Variants in NPAS3 observed in about 807,000 individuals in gnomAD.
NPAS3 encodes the protein neuronal PAS domain-containing protein 3.
NPAS3 carries 14 observed loss-of-function variants against 73.1 expected under a neutral mutation model. That is an observed-to-expected ratio of 0.19 (90% CI 0.13 to 0.30). NPAS3 has a LOEUF of 0.30. Among genes scored for constraint, NPAS3 ranks in the 10% least tolerant of loss-of-function variants. The pLI is 1.00. For missense variants in NPAS3, 1,096 were observed against 1,250.0 expected (o/e 0.88, Z 1.86); for synonymous variants, 620 against 541.5 (o/e 1.14, Z -2.01).
intron 9 of NPAS3, among the ~76,000 whole-genome samples, chr14:33,791,305 T>G (rs2063352939): frequency 6.6e-6 from 1 of 152,212 alleles, no homozygotes; most frequent in Admixed American, 6.5e-5. Context: ...TTTTTACAGA[T>G]ACCTCCTCAC....
At chr14:33,633,989 GA>G (rs2058448442) in intron 5 of NPAS3, among the ~76,000 whole-genome samples, 2 of 152,186 alleles carry the variant, frequency 1.3e-5, no homozygotes, top group Admixed American at 6.5e-5. Flanking sequence ...AAAAAAAAGA[GA>G]AAAGAAACAT....
At chr14:33,464,509 C>G (rs184073886) in intron 4 of NPAS3, among the ~76,000 whole-genome samples, 121 of 152,308 alleles carry the variant, frequency 7.9e-4, no homozygotes, top group African/African-American at 2.7e-3. Context: ...CCTGAAGCCA[C>G]TGCTTCTCTA....
chr14:33,330,752 A>G (rs1162920129), intron 3 of NPAS3, among the ~76,000 whole-genome samples: 1 of 152,062 alleles, frequency 6.6e-6, no homozygotes, highest in African/African-American at 2.4e-5. Context: ...AGGGTCAGGG[A>G]CTAGATTTTT....
intron 5 of NPAS3, among the ~76,000 whole-genome samples, chr14:33,592,362 T>C (rs1388559415): frequency 6.6e-6 from 1 of 152,206 alleles, no homozygotes; most frequent in African/African-American, 2.4e-5. Context: ...TCCCTGTCCT[T>C]GAGAAGCTTC....
chr14:32,957,715 T>C (rs2036736129), intron 1 of NPAS3, among the ~76,000 whole-genome samples: 1 of 152,186 alleles, frequency 6.6e-6, no homozygotes, highest in South Asian at 2.1e-4. Context: ...TGCATTTGCC[T>C]ATTCTCTTAA....
chr14:33,077,956 G>T (rs1455525407), intron 2 of NPAS3, among the ~76,000 whole-genome samples: 1 of 151,554 alleles, frequency 6.6e-6, no homozygotes, highest in East Asian at 1.9e-4. Flanking sequence ...TGGGCAACAT[G>T]GTGAAACCCC....
At chr14:33,155,058 C>G (rs2044598567) in intron 2 of NPAS3, among the ~76,000 whole-genome samples, 2 of 152,106 alleles carry the variant, frequency 1.3e-5, no homozygotes. Context: ...ATATTTTAAA[C>G]TCACAGACTA....
intron 4 of NPAS3, among the ~76,000 whole-genome samples, chr14:33,409,145 C>A (rs560065933): frequency 1.3e-4 from 20 of 152,246 alleles, no homozygotes; most frequent in Admixed American, 1.1e-3. Flanking sequence ...ATACTATAAG[C>A]TCCAGGTGAT....
At chr14:33,803,619 TTC>T (rs1405366734), downstream of NPAS3, 4 of 152,084 alleles carry the variant, frequency 2.6e-5, no homozygotes, top group Non-Finnish European at 5.9e-5. Context: ...TTATAAATGT[TTC>T]TGTGTTGTGT....
intron 5 of NPAS3, among the ~76,000 whole-genome samples, chr14:33,642,204 C>G (rs1373151465): frequency 1.3e-5 from 2 of 152,130 alleles, no homozygotes; most frequent in African/African-American, 4.8e-5. Flanking sequence ...TTCACATCAT[C>G]CTTTTGCTTA....
At chr14:33,706,538 A>G (rs1221503339) in intron 6 of NPAS3, among the ~76,000 whole-genome samples, 1 of 152,182 alleles carries the variant, frequency 6.6e-6, no homozygotes, top group Non-Finnish European at 1.5e-5. Context: ...CAAAATGGAC[A>G]CTGGGGCACG....
intron 3 of NPAS3, among the ~76,000 whole-genome samples, chr14:33,316,363 T>A (rs2043208518): frequency 6.6e-6 from 1 of 152,044 alleles, no homozygotes; most frequent in South Asian, 2.1e-4. Context: ...TACATAGATT[T>A]CTCTTTCTAG....
intron 4 of NPAS3, among the ~76,000 whole-genome samples, chr14:33,497,190 A>G (rs2052244796): frequency 6.6e-6 from 1 of 152,222 alleles, no homozygotes; most frequent in African/African-American, 2.4e-5. Context: ...CGTTCAACAA[A>G]GTAAGAGAGG....
At chr14:33,406,833 G>A (rs1195764406) in intron 4 of NPAS3, among the ~76,000 whole-genome samples, 3 of 152,068 alleles carry the variant, frequency 2.0e-5, no homozygotes, top group Admixed American at 6.6e-5. Flanking sequence ...AATACCTTCA[G>A]AGATTGTGCT....
intron 6 of NPAS3, among the ~76,000 whole-genome samples, chr14:33,728,706 A>G (rs2061332853): frequency 6.6e-6 from 1 of 152,232 alleles, no homozygotes; most frequent in Non-Finnish European, 1.5e-5. Flanking sequence ...AAGACAGGCC[A>G]GTGGGATGAA....
chr14:33,248,008 A>G (rs985045936), intron 3 of NPAS3, among the ~76,000 whole-genome samples: 3 of 152,244 alleles, frequency 2.0e-5, no homozygotes, highest in Non-Finnish European at 2.9e-5. Flanking sequence ...AACTTCTGTC[A>G]TGGCAAAATT....
intron 5 of NPAS3, among the ~76,000 whole-genome samples, chr14:33,574,618 T>A (rs550548644): frequency 6.6e-6 from 1 of 151,886 alleles, no homozygotes; most frequent in Non-Finnish European, 1.5e-5. Context: ...AAAAGTAGTT[T>A]GAGGGAGAGA....
chr14:33,293,726 A>G (rs933041830), intron 3 of NPAS3, among the ~76,000 whole-genome samples: 1 of 152,226 alleles, frequency 6.6e-6, no homozygotes, highest in East Asian at 1.9e-4. Flanking sequence ...GATATACAAA[A>G]TTCCAAAAAC....
At chr14:33,277,107 A>G (rs2041370202) in intron 3 of NPAS3, among the ~76,000 whole-genome samples, 1 of 152,184 alleles carries the variant, frequency 6.6e-6, no homozygotes, top group Non-Finnish European at 1.5e-5. Context: ...GATATTTTAG[A>G]TAGTGTTCCA....
Sources: gnomAD v4.1 joint callset for allele counts (sites outside exome capture counted in the v4.1 genomes callset) on GRCh38, gnomAD v4.1.1 for gene constraint, MANE v1.5 for transcripts, NCBI Gene and HGNC (gene_info 2026-07-23, HGNC 2026-07-21) for gene names.